VPS4A: variants seen among roughly 807,000 people sequenced by gnomAD.
The protein encoded by VPS4A is vacuolar protein sorting-associated protein 4A.
VPS4A carries 20 observed loss-of-function variants against 52.3 expected under a neutral mutation model. The observed-to-expected ratio is 0.38, with a 90% CI of 0.27 to 0.56. VPS4A has a LOEUF of 0.56. Among genes scored for constraint, VPS4A ranks in the 20% least tolerant of loss-of-function variants. The pLI, the probability that VPS4A is intolerant of heterozygous loss-of-function variation, is 0.72. For synonymous variants in VPS4A, 293 were observed against 227.7 expected (o/e 1.29, Z -2.58); for missense variants, 419 against 575.9 (o/e 0.73, Z 2.79).
Position 69,311,483 on chromosome 16 carries a change from C to T in VPS4A, c.-29C>T, listed in dbSNP as rs1359715017. The T allele has an allele frequency of 7.6e-7, 1 of 1,321,024 alleles. No individual in the cohort carries two copies. Among genetic ancestry groups the T allele is most frequent in the Non-Finnish European group, 9.8e-7 (1 of 1,023,052 alleles). 81.8% of individuals were successfully genotyped at this position (1,321,024 alleles called of 1,614,324 possible). A position where few individuals can be genotyped will look rare whatever the true frequency, so the allele number is the denominator to read the frequency against. ...CGGACCGAGGCCGCAAGCAGCGCCG[C>T]GGGGTGTGGGGCGGACCCAGGAGAT... On this transcript the variant is annotated 5_prime_UTR_variant, in exon 1 of 11. Coordinates refer to ENST00000254950, the MANE Select transcript of VPS4A (RefSeq NM_013245.3).
chr16:69,326,571 T>A lies in VPS4A; in HGVS notation c.*2262T>A, dbSNP rs1965599807. ...ATGGCTATGGTCCATCCCTGTGCTCTAGTTAGAGCGTGAAGACACCTGACT... is the reference window on the plus strand; with the variant it reads ...ATGGCTATGGTCCATCCCTGTGCTCAAGTTAGAGCGTGAAGACACCTGACT... On this transcript the variant is annotated 3_prime_UTR_variant, in exon 11 of 11. Coordinates refer to ENST00000254950, the MANE Select transcript of VPS4A (RefSeq NM_013245.3). 1 of 152,268 alleles carries A rather than the reference T, an allele frequency of 6.6e-6. No individual in the cohort carries two copies. Among genetic ancestry groups the A allele is most frequent in the African/African-American group, 2.4e-5 (1 of 41,464 alleles). 9.4% of individuals were successfully genotyped at this position (152,268 alleles called of 1,614,324 possible).
intron 1 of VPS4A, among the ~76,000 whole-genome samples, chr16:69,313,494 CA>C: frequency 6.6e-6 from 1 of 152,222 alleles, no homozygotes; most frequent in South Asian, 2.1e-4. Flanking sequence ...TTTATATAAA[CA>C]GAGTCATACA....
Position 69,320,635 on chromosome 16 carries a change from A to C in VPS4A, c.770-53A>C. ...CCCCGGGGTCTGTCCCCAGGTTTCA[A>C]CTGACCCGTGCAGGTGTCCAGAGTC... is the stretch of plus-strand genomic sequence containing the variant. On this transcript the variant is annotated intron_variant, in intron 7 of 10. Coordinates refer to ENST00000254950, the MANE Select transcript of VPS4A (RefSeq NM_013245.3). The surrounding 1 kb of genome is among the most constrained non-coding windows in gnomAD (Gnocchi z 4.2). The C allele has an allele frequency of 6.6e-7, 1 of 1,508,016 alleles. No homozygotes were observed. The highest frequency in any genetic ancestry group is 9.0e-7 in the Non-Finnish European group (1 of 1,108,484). The allele number at this position is 1,508,016 out of a possible 1,614,324, so 93.4% of individuals were successfully genotyped here. A position where few individuals can be genotyped will look rare whatever the true frequency, so the allele number is the denominator to read the frequency against.
chr16:69,320,480 A>AC lies in VPS4A; in HGVS notation c.769+195dup. On this transcript the variant is annotated intron_variant, in intron 7 of 10. Transcript: ENST00000254950. This position sits in a 1 kb window ranked among gnomAD's most constrained non-coding sequence, Gnocchi z 4.2. ...AGGCCTCTGCCTCACGGGCCACTCC[A>AC]CCCCTCCCATGGCAGGCAGTGCCAT... 3 of 859,816 alleles carry AC rather than the reference A, an allele frequency of 3.5e-6. No homozygotes were observed. The highest frequency in any genetic ancestry group is 5.3e-6 in the Non-Finnish European group (3 of 565,842). 53.3% of individuals were successfully genotyped at this position (859,816 alleles called of 1,614,324 possible). A position where few individuals can be genotyped will look rare whatever the true frequency, so the allele number is the denominator to read the frequency against.
At chr16:69,313,236 C>T (rs534665676) in intron 1 of VPS4A, among the ~76,000 whole-genome samples, 13 of 152,298 alleles carry the variant, frequency 8.5e-5, no homozygotes, top group South Asian at 2.1e-4. Flanking sequence ...CTGCCCACCT[C>T]GGCCGCCCAA....
chr16:69,312,766 C>A (rs545677958), intron 1 of VPS4A, among the ~76,000 whole-genome samples: 38 of 149,484 alleles, frequency 2.5e-4, no homozygotes, highest in African/African-American at 9.1e-4. Flanking sequence ...GCACCCGCAA[C>A]CACGCCCGGC....
chr16:69,318,536 C>T (rs1275724772), intron 3 of VPS4A, 114 bp from the exon 4 acceptor site: 1 of 1,181,404 alleles, frequency 8.5e-7, no homozygotes, highest in African/African-American at 1.5e-5. Context: ...ACTGTTAAGC[C>T]AGGAAGGCTT....
intron 1 of VPS4A, among the ~76,000 whole-genome samples, chr16:69,312,388 G>C (rs1965388114): frequency 6.6e-6 from 1 of 152,166 alleles, no homozygotes. Flanking sequence ...AGGGACATCA[G>C]AGTTCCAGTA....
chr16:69,322,711 T>A lies in VPS4A; in HGVS notation c.1212+11T>A, dbSNP rs773246557. ...CCTGTGGTTTGCATGGTAAGTGACT[T>A]GACAGGGGAGGGAAGAGGGCTGCAC... On this transcript the variant is annotated intron_variant, in intron 10 of 10. Coordinates refer to ENST00000254950, the MANE Select transcript of VPS4A (RefSeq NM_013245.3). The A allele has an allele frequency of 8.1e-6, 13 of 1,610,838 alleles. No homozygotes were observed. Among genetic ancestry groups the A allele is most frequent in the Non-Finnish European group, 1.0e-5 (12 of 1,178,026 alleles).
intron 6 of VPS4A, 131 bp downstream of exon 6, chr16:69,319,674 G>A (rs756470517): frequency 2.4e-4 from 300 of 1,245,734 alleles, no homozygotes; most frequent in Non-Finnish European, 3.0e-4. Flanking sequence ...GCAGTGTGTC[G>A]CTAGCTTATC....
chr16:69,324,473 C>T lies in VPS4A; in HGVS notation c.*164C>T. 3 of 715,088 alleles carry T rather than the reference C, an allele frequency of 4.2e-6. No homozygotes were observed. Among genetic ancestry groups the T allele is most frequent in the Non-Finnish European group, 7.1e-6 (3 of 422,658 alleles). The allele number at this position is 715,088 out of a possible 1,614,324, so 44.3% of individuals were successfully genotyped here. On this transcript the variant is annotated 3_prime_UTR_variant, in exon 11 of 11. Coordinates refer to ENST00000254950, the MANE Select transcript of VPS4A (RefSeq NM_013245.3). ...CAGGGAGCCAGAAGGAAGGGCCTTG[C>T]AGCCACAGAGACACTCCACTGCCCT...
At position 69,314,693 on chromosome 16, in the gene VPS4A, T is replaced by G. The variant is rs74027305; in HGVS notation, c.22-1315T>G. 7.3e-3 allele frequency among the ~76,000 whole-genome samples: 1,119 copies of G among 152,338 alleles called. 9 individuals are homozygous for G. Among genetic ancestry groups the G allele is most frequent in the African/African-American group, 0.023 (963 of 41,572 alleles). On this transcript the variant is annotated intron_variant, in intron 1 of 10. Coordinates refer to ENST00000254950, the MANE Select transcript of VPS4A (RefSeq NM_013245.3). Reference sequence around the variant, plus strand: ...CCAGCCTCCCCTGGCCTGTCTGTTTTGTCGAGCTGTCTGTGTGTGTTTCTT... The same window carrying G: ...CCAGCCTCCCCTGGCCTGTCTGTTTGGTCGAGCTGTCTGTGTGTGTTTCTT...
At chr16:69,319,909 T>C (rs2143261866) in intron 6 of VPS4A, among the ~76,000 whole-genome samples, 1 of 152,318 alleles carries the variant, frequency 6.6e-6, no homozygotes, top group Admixed American at 6.5e-5. Context: ...AGTGCAGAGC[T>C]AGCGCATGGG....
rs1278869631 is a variant in VPS4A, at chr16:69,326,869, TTG to T, written c.*2563_*2564del. Reference sequence around the variant, plus strand: ...CAACGTTGACATGTATATGCGTTTTTTGTGAGTGCTTCCTGCTCAAAGTGGGA... The same window carrying T: ...CAACGTTGACATGTATATGCGTTTTTTGAGTGCTTCCTGCTCAAAGTGGGA... On this transcript the variant is annotated 3_prime_UTR_variant, in exon 11 of 11. Coordinates refer to ENST00000254950, the MANE Select transcript of VPS4A (RefSeq NM_013245.3). 1 of 152,216 alleles carries T rather than the reference TTG, an allele frequency of 6.6e-6. No homozygotes were observed. Among genetic ancestry groups the T allele is most frequent in the East Asian group, 1.9e-4 (1 of 5,202 alleles). 9.4% of individuals were successfully genotyped at this position (152,216 alleles called of 1,614,324 possible). A position where few individuals can be genotyped will look rare whatever the true frequency, so the allele number is the denominator to read the frequency against.
chr16:69,319,069 C>T, intron 5 of VPS4A, 127 bp downstream of exon 5: 1 of 1,363,122 alleles, frequency 7.3e-7, no homozygotes, highest in Non-Finnish European at 9.9e-7. Flanking sequence ...GGCCTGGCTG[C>T]TCGCTGGTGT....
At chr16:69,323,272 T>TCA (rs1490876054) in intron 10 of VPS4A, 1 of 187,284 alleles carries the variant, frequency 5.3e-6, no homozygotes, top group African/African-American at 2.4e-5. Context: ...TCTTCTGACC[T>TCA]CAGCCTCCTG....
rs377383325 is a variant in VPS4A at position 69,320,128 on chromosome 16, C to T, written c.621-13C>T. The stretch of plus-strand genomic sequence containing the variant: ...TGAACGTCTTGTCCTCACCCCCTTT[C>T]TCACCTTCACAGGCTGGTCAAGAAC... On this transcript the variant is annotated splice_polypyrimidine_tract_variant and intron_variant, in intron 6 of 10. Transcript: ENST00000254950. This position sits in a 1 kb window ranked among gnomAD's most constrained non-coding sequence, Gnocchi z 4.2. The T allele has an allele frequency of 1.2e-6, 2 of 1,610,334 alleles. No homozygotes were observed. The highest frequency in any genetic ancestry group is 2.2e-5 in the East Asian group (1 of 44,708).
intron 1 of VPS4A, among the ~76,000 whole-genome samples, chr16:69,314,704 CTGTG>C (rs929106439): frequency 1.1e-4 from 17 of 152,142 alleles, no homozygotes; most frequent in African/African-American, 4.1e-4. Context: ...GTCGAGCTGT[CTGTG>C]TGTGTTTCTT....
Position 69,321,302 on chromosome 16 carries a change from C to G in VPS4A, c.1071+32C>G, listed in dbSNP as rs1373066793. 7.8e-6 allele frequency: 12 copies of G among 1,543,616 alleles called. No homozygotes were observed. The highest frequency in any genetic ancestry group is 3.6e-5 in the South Asian group (3 of 83,880). ...GCCCGCGGCCACTGCTGAGAAAAAT[C>G]TCATAGTAAGAGCGGGATGTTCGGT... On this transcript the variant is annotated intron_variant, in intron 9 of 10. Transcript: ENST00000254950. This position sits in a 1 kb window ranked among gnomAD's most constrained non-coding sequence, Gnocchi z 4.5.
Sources: allele counts gnomAD v4.1 joint callset (sites outside exome capture counted in the v4.1 genomes callset), GRCh38; gene constraint gnomAD v4.1.1; non-coding constraint Gnocchi (gnomAD v3.1); transcripts MANE v1.5; gene names NCBI Gene and HGNC (gene_info 2026-07-23, HGNC 2026-07-21).